SSPN: variants seen among roughly 807,000 people sequenced by gnomAD.
SSPN encodes the protein sarcospan.
Under a neutral mutation model 19.1 loss-of-function variants are expected in SSPN, and 15 were observed. The ratio of observed to expected loss-of-function variants is 0.78; its 90% confidence interval spans 0.52 to 1.21. The LOEUF is 1.21. Among genes scored for constraint, SSPN ranks in the 50% most tolerant of loss-of-function variants. The pLI is 0.00. For synonymous variants in SSPN, 147 were observed against 140.3 expected (o/e 1.05, Z -0.34); for missense variants, 291 against 314.0 (o/e 0.93, Z 0.55).
At chr12:26,180,192 T>G (rs1273864522) in intron 1 of SSPN, 1 of 152,146 alleles carries the variant, frequency 6.6e-6, no homozygotes, top group African/African-American at 2.4e-5. Flanking sequence ...CCTGGAGGTG[T>G]GAACGAATAA....
At chr12:26,174,507 T>TCCTTCCTTCCTTCCTTCCTTA (rs1944672138) in intron 1 of SSPN, among the ~76,000 whole-genome samples, 1 of 116,750 alleles carries the variant, frequency 8.6e-6, no homozygotes, top group African/African-American at 4.1e-5. Flanking sequence ...TTCCTTCCCT[T>TCCTTCCTTCCTTCCTTCCTTA]CCTTCCTTCC....
intron 1 of SSPN, among the ~76,000 whole-genome samples, chr12:26,173,360 G>T (rs529022347): frequency 6.6e-6 from 1 of 152,280 alleles, no homozygotes; most frequent in East Asian, 1.9e-4. Flanking sequence ...AAGTCCCCAG[G>T]TTTCAGGTCC....
At chr12:26,224,177 A>G (rs1187713248) in intron 1 of SSPN, 116 bp from the exon 2 acceptor site, 2 of 721,766 alleles carry the variant, frequency 2.8e-6, no homozygotes, top group Non-Finnish European at 4.8e-6. Flanking sequence ...AAGATAAGTA[A>G]AAGAAACGGA....
chr12:26,154,724 T>G (rs1415296606), intron 1 of SSPN, among the ~76,000 whole-genome samples: 3 of 152,208 alleles, frequency 2.0e-5, no homozygotes, highest in Non-Finnish European at 4.4e-5. Context: ...CTACTGTACA[T>G]TCGATTATTG....
At chr12:26,127,741 C>T (rs1423868503) in intron 1 of SSPN, among the ~76,000 whole-genome samples, 1 of 151,900 alleles carries the variant, frequency 6.6e-6, no homozygotes, top group Non-Finnish European at 1.5e-5. Context: ...GCTTTTTGCC[C>T]TTTTTTTTCT....
intron 1 of SSPN, among the ~76,000 whole-genome samples, chr12:26,174,475 GCTTCCTTCCTTCCTTC>G (rs763960839): frequency 8.2e-6 from 1 of 121,906 alleles, no homozygotes; most frequent in Non-Finnish European, 1.6e-5. Context: ...TGCTACCCAC[GCTTCCTTCCTTCCTTC>G]CTTCCTTCCT....
intron 1 of SSPN, among the ~76,000 whole-genome samples, chr12:26,135,875 C>T (rs1006736567): frequency 1.3e-5 from 2 of 152,148 alleles, no homozygotes; most frequent in Non-Finnish European, 2.9e-5. Context: ...GATAATGGCA[C>T]TACTGATTTT....
intron 1 of SSPN, among the ~76,000 whole-genome samples, chr12:26,155,731 A>G (rs1944552153): frequency 6.6e-6 from 1 of 152,242 alleles, no homozygotes; most frequent in South Asian, 2.1e-4. Context: ...GACAAAAAAT[A>G]GAGCTAACAT....
chr12:26,189,319 C>T (rs929498236), intron 1 of SSPN, among the ~76,000 whole-genome samples: 1 of 152,102 alleles, frequency 6.6e-6, no homozygotes, highest in African/African-American at 2.4e-5. Flanking sequence ...AGTAGAATGT[C>T]TCTATATCCC....
At chr12:26,208,262 C>T (rs912898672) in intron 1 of SSPN, among the ~76,000 whole-genome samples, 1 of 152,160 alleles carries the variant, frequency 6.6e-6, no homozygotes, top group Non-Finnish European at 1.5e-5. Flanking sequence ...GACTAACTTA[C>T]ACCTCACCTC....
At chr12:26,220,760 C>T in intron 1 of SSPN, among the ~76,000 whole-genome samples, 1 of 152,154 alleles carries the variant, frequency 6.6e-6, no homozygotes, top group East Asian at 1.9e-4. Context: ...CATTAAATGT[C>T]CACACCACCC....
At chr12:26,219,949 T>C (rs1945101246) in intron 1 of SSPN, among the ~76,000 whole-genome samples, 1 of 152,154 alleles carries the variant, frequency 6.6e-6, no homozygotes, top group Non-Finnish European at 1.5e-5. Context: ...ATGGGAGCTC[T>C]GGCCTGGACT....
intron 1 of SSPN, among the ~76,000 whole-genome samples, chr12:26,179,276 CAGG>C (rs1944703497): frequency 6.6e-6 from 1 of 152,090 alleles, no homozygotes; most frequent in African/African-American, 2.4e-5. Context: ...TGTGGCTGGA[CAGG>C]AGAAGGTGAG....
chr12:26,141,286 G>A (rs576849516), intron 1 of SSPN, among the ~76,000 whole-genome samples: 58 of 152,252 alleles, frequency 3.8e-4, no homozygotes, highest in African/African-American at 1.3e-3. Context: ...TGGAGGAAGG[G>A]AGGTAAAATC....
At chr12:26,122,179 GGTGCGGCGCCCCAAGGGGCGCCACCTC>G (rs1403895341) in intron 1 of SSPN, 19 of 1,494,848 alleles carry the variant, frequency 1.3e-5, no homozygotes, top group Middle Eastern at 2.0e-4. Context: ...GGGTGCTGGG[GGTGCGGCGCCCCAAGGGGCGCCACCTC>G]GTGCGGCAGG....
intron 1 of SSPN, among the ~76,000 whole-genome samples, chr12:26,176,699 G>A (rs765598896): frequency 3.9e-5 from 6 of 152,246 alleles, no homozygotes; most frequent in Admixed American, 6.5e-5. Context: ...TGGAAGTAGC[G>A]ACTTTGTCCT....
chr12:26,232,600 G>T lies in SSPN; in HGVS notation c.*1524G>T, dbSNP rs1945244988. The T allele has an allele frequency of 2.0e-6, 2 of 985,148 alleles. No individual in the cohort carries two copies. The highest frequency in any genetic ancestry group is 1.2e-6 in the Non-Finnish European group (1 of 829,860). The allele number at this position is 985,148 out of a possible 1,614,324, so 61.0% of individuals were successfully genotyped here. ...GGAAAACATTTTCCTGCTTGTCTTAGAAGAAAGTGGAATAATTCCACTGAT... is the reference window on the plus strand; with the variant it reads ...GGAAAACATTTTCCTGCTTGTCTTATAAGAAAGTGGAATAATTCCACTGAT... On this transcript the variant is annotated 3_prime_UTR_variant, in exon 3 of 3. Coordinates refer to ENST00000242729, the MANE Select transcript of SSPN (RefSeq NM_005086.5).
intron 1 of SSPN, among the ~76,000 whole-genome samples, chr12:26,144,789 A>G (rs1944480244): frequency 6.6e-6 from 1 of 152,220 alleles, no homozygotes; most frequent in South Asian, 2.1e-4. Context: ...ATTTTATATT[A>G]TCCGACAAGT....
intron 1 of SSPN, 37 bp from the exon 2 acceptor site, chr12:26,224,256 C>T (rs1945153857): frequency 6.8e-7 from 1 of 1,466,288 alleles, no homozygotes; most frequent in Admixed American, 1.7e-5. Context: ...CACAACGTAC[C>T]CTGATAACAT....
Sources: allele counts gnomAD v4.1 joint callset (sites outside exome capture counted in the v4.1 genomes callset), GRCh38; gene constraint gnomAD v4.1.1; transcripts MANE v1.5; gene names NCBI Gene and HGNC (gene_info 2026-07-23, HGNC 2026-07-21).